Variants in SSBP3 observed in about 807,000 individuals in gnomAD.
SSBP3 encodes single stranded DNA binding protein 3, also known as single-stranded DNA-binding protein 3.
A neutral mutation model predicts 69.6 loss-of-function variants in SSBP3; 5 were observed. The ratio of observed to expected loss-of-function variants is 0.07; its 90% CI spans 0.04 to 0.15. The LOEUF (loss-of-function observed/expected upper bound fraction) is 0.15. Ranked by LOEUF, SSBP3 falls within the 10% of genes least tolerant of loss-of-function variation. SSBP3 has a pLI of 1.00. For missense variants in SSBP3, 312 were observed against 534.0 expected, an observed-to-expected ratio of 0.58 and a Z score of 4.10; for synonymous variants, 196 against 193.4, an observed-to-expected ratio of 1.01 and a Z score of -0.11.
Position 54,283,809 on chromosome 1 carries a change from C to T in SSBP3, c.277-2282G>A, listed in dbSNP as rs138200830. On this transcript the variant is annotated intron_variant, in intron 4 of 17. Transcript: ENST00000610401. ...ATCCCCCAGGTCTGAGGTCACAGGC[C>T]CCTGCCTTGCCCCTGCCCGGCACTA... Among the ~76,000 whole-genome samples the T allele has an allele frequency of 8.5e-3, 1,301 of 152,240 alleles. 18 individuals carry two copies. The highest frequency in any genetic ancestry group is 0.03 in the African/African-American group (1,249 of 41,532).
intron 4 of SSBP3, among the ~76,000 whole-genome samples, chr1:54,390,774 G>A (rs1025909751): frequency 2.6e-5 from 4 of 152,220 alleles, no homozygotes; most frequent in East Asian, 3.9e-4. Flanking sequence ...CCGGAGCTGC[G>A]GGCCAGGGCC....
intron 4 of SSBP3, among the ~76,000 whole-genome samples, chr1:54,282,232 G>C (rs954563140): frequency 6.6e-6 from 1 of 152,248 alleles, no homozygotes; most frequent in Non-Finnish European, 1.5e-5. Context: ...GCTACTCTGA[G>C]AAGCTCTTGG....
intron 4 of SSBP3, among the ~76,000 whole-genome samples, chr1:54,281,741 C>G (rs927508282): frequency 1.3e-5 from 2 of 152,150 alleles, no homozygotes; most frequent in Non-Finnish European, 2.9e-5. Context: ...GACCTGGACT[C>G]AATTCCCAGG....
chr1:54,358,892 G>C (rs1002799421), intron 4 of SSBP3, among the ~76,000 whole-genome samples: 2 of 152,170 alleles, frequency 1.3e-5, no homozygotes, highest in Admixed American at 1.3e-4. Context: ...GCAGGAAACA[G>C]GCCTGGGAAC....
At chr1:54,390,198 A>G (rs909038158) in intron 4 of SSBP3, among the ~76,000 whole-genome samples, 1 of 152,210 alleles carries the variant, frequency 6.6e-6, no homozygotes, top group Non-Finnish European at 1.5e-5. Flanking sequence ...ACACATAGTA[A>G]GTGCTCAATA....
At chr1:54,240,222 G>GCTGAGGCGGGTGGATCAC (rs1189827955) in intron 13 of SSBP3, among the ~76,000 whole-genome samples, 1 of 151,894 alleles carries the variant, frequency 6.6e-6, no homozygotes, top group Non-Finnish European at 1.5e-5. Context: ...ACTTTGGGAG[G>GCTGAGGCGGGTGGATCAC]CTGAGGCGGG....
At chr1:54,329,649 A>G (rs950336460) in intron 4 of SSBP3, among the ~76,000 whole-genome samples, 1 of 152,198 alleles carries the variant, frequency 6.6e-6, no homozygotes, top group African/African-American at 2.4e-5. Context: ...AGAAAAGGAC[A>G]TTTTCCTGAT....
intron 5 of SSBP3, among the ~76,000 whole-genome samples, chr1:54,278,313 G>A (rs1487827078): frequency 1.3e-5 from 2 of 149,364 alleles, no homozygotes; most frequent in Non-Finnish European, 3.0e-5. Context: ...TGCTGGGGAT[G>A]CCAATATTAG....
chr1:54,259,753 C>T (rs1018881174), intron 5 of SSBP3, among the ~76,000 whole-genome samples: 2 of 152,146 alleles, frequency 1.3e-5, no homozygotes, highest in African/African-American at 2.4e-5. Context: ...TACAAGAACC[C>T]GAGGGCGCCG....
intron 4 of SSBP3, among the ~76,000 whole-genome samples, chr1:54,327,576 TTCTC>T (rs761987894): frequency 1.7e-4 from 26 of 152,186 alleles, no homozygotes; most frequent in African/African-American, 6.3e-4. Flanking sequence ...TTCTTTCCCT[TTCTC>T]TCTCTCTTTT....
intron 5 of SSBP3, among the ~76,000 whole-genome samples, chr1:54,277,481 T>G (rs1470659698): frequency 1.3e-5 from 2 of 152,188 alleles, no homozygotes; most frequent in East Asian, 3.9e-4. Context: ...GAGCACCCCA[T>G]GAGGAACCAG....
Position 54,278,231 on chromosome 1 carries a change from T to G in SSBP3, c.366+3207A>C, listed in dbSNP as rs1289544408. On this transcript the variant is annotated intron_variant, in intron 5 of 17. Coordinates refer to ENST00000610401, the Ensembl canonical transcript of SSBP3. ...TCTAGTGCTTTGGGGCTGCCTGGGC[T>G]CCTGTTCTGTAATGTGAGCAATACA... Among the ~76,000 whole-genome samples, 5 of 152,234 alleles carry G rather than the reference T, an allele frequency of 3.3e-5. No homozygotes were observed. In the South Asian group the frequency reaches 1.0e-3, roughly 32 times the overall value.
intron 4 of SSBP3, among the ~76,000 whole-genome samples, chr1:54,396,174 A>T (rs527276012): frequency 5.7e-4 from 76 of 132,482 alleles, no homozygotes; most frequent in African/African-American, 2.1e-3. Flanking sequence ...CCTGGGTGAC[A>T]GAGTGAGACT....
upstream of SSBP3, among the ~76,000 whole-genome samples, chr1:54,409,056 A>G (rs1468242975): frequency 6.6e-6 from 1 of 152,122 alleles, no homozygotes; most frequent in Non-Finnish European, 1.5e-5. Flanking sequence ...TGCTGGCACA[A>G]TTATCCAAAA....
intron 4 of SSBP3, among the ~76,000 whole-genome samples, chr1:54,374,490 G>C (rs978051175): frequency 1.3e-5 from 2 of 152,178 alleles, no homozygotes; most frequent in African/African-American, 4.8e-5. Context: ...GCCTTTCCAG[G>C]AGAACTGACA....
intron 5 of SSBP3, among the ~76,000 whole-genome samples, chr1:54,279,048 T>G (rs1441854114): frequency 6.6e-6 from 1 of 152,140 alleles, no homozygotes; most frequent in Admixed American, 6.5e-5. Context: ...TCAGGCCAGG[T>G]ACCTGGCCTA....
chr1:54,354,797 G>GT (rs1290452520), intron 4 of SSBP3, among the ~76,000 whole-genome samples: 3 of 152,238 alleles, frequency 2.0e-5, no homozygotes, highest in Non-Finnish European at 4.4e-5. Context: ...TGGGCCTAAT[G>GT]TAACACACAA....
At chr1:54,289,690 G>T (rs1450773301) in intron 4 of SSBP3, among the ~76,000 whole-genome samples, 1 of 152,164 alleles carries the variant, frequency 6.6e-6, no homozygotes, top group Non-Finnish European at 1.5e-5. Flanking sequence ...GATGCAGGAG[G>T]TGATACAGGG....
intron 14 of SSBP3, among the ~76,000 whole-genome samples, chr1:54,233,835 C>A (rs1422337376): frequency 4.6e-5 from 7 of 152,244 alleles, no homozygotes; most frequent in Non-Finnish European, 1.0e-4. Context: ...GGCCACCACC[C>A]CGTCTGGGAG....
Sources: allele counts gnomAD v4.1 joint callset (sites outside exome capture counted in the v4.1 genomes callset), GRCh38; gene constraint gnomAD v4.1.1; transcripts MANE v1.5; gene names NCBI Gene and HGNC (gene_info 2026-07-23, HGNC 2026-07-21).